The following MYO10 variants were observed in gnomAD, a reference collection of about 807,000 sequenced individuals.
MYO10 encodes the protein myosin X, also known as unconventional myosin-X.
MYO10 carries 133 observed loss-of-function variants against 257.3 expected under a neutral mutation model. The observed-to-expected ratio is 0.52, with a 90% CI of 0.45 to 0.60. The LOEUF is 0.60. Ranked by LOEUF, MYO10 falls within the 20% of genes least tolerant of loss-of-function variation. MYO10 has a pLI of 0.00. For missense variants in MYO10, 2,399 were observed against 2,635.7 expected, an observed-to-expected ratio of 0.91 and a Z score of 1.97; for synonymous variants, 1,104 against 1,028.6, an observed-to-expected ratio of 1.07 and a Z score of -1.40.
intron 19 of MYO10, among the ~76,000 whole-genome samples, chr5:16,719,850 G>C (rs1739067892): frequency 6.6e-6 from 1 of 152,146 alleles, no homozygotes; most frequent in African/African-American, 2.4e-5. Flanking sequence ...TATAATCCCA[G>C]CTACTCAGGA....
rs1743715038 is a variant in MYO10, at chr5:16,848,717, A to C, written c.120+28892T>G. ...AGGGCTAGTCTCTGCTCAACAATTC[A>C]AGAGGCTAGTTTGTCTACAGCGGCA... On this transcript the variant is annotated intron_variant, in intron 2 of 40. Coordinates refer to ENST00000513610, the MANE Select transcript of MYO10 (RefSeq NM_012334.3). Among the ~76,000 whole-genome samples, 3 of 151,852 alleles carry C rather than the reference A, an allele frequency of 2.0e-5. No individual in the cohort carries two copies. The South Asian group carries it at 6.2e-4, about 32-fold the overall frequency.
chr5:16,675,906 T>C, intron 34 of MYO10, 125 bp downstream of exon 34: 1 of 1,210,308 alleles, frequency 8.3e-7, no homozygotes, highest in East Asian at 2.6e-5. Flanking sequence ...CATCTTTTCC[T>C]TCCAATTCAC....
At chr5:16,781,266 G>A (rs528178823) in intron 6 of MYO10, among the ~76,000 whole-genome samples, 13 of 151,710 alleles carry the variant, frequency 8.6e-5, no homozygotes, top group Admixed American at 2.6e-4. Context: ...TTTTAGTATC[G>A]GTGGGGTTTC....
intron 19 of MYO10, among the ~76,000 whole-genome samples, chr5:16,739,886 T>C (rs1347104892): frequency 6.6e-6 from 1 of 152,156 alleles, no homozygotes; most frequent in Non-Finnish European, 1.5e-5. Context: ...CGTCTTTATA[T>C]TGAGGAGGGG....
intron 17 of MYO10, among the ~76,000 whole-genome samples, chr5:16,759,171 C>T (rs975615407): frequency 1.3e-5 from 2 of 152,182 alleles, no homozygotes; most frequent in African/African-American, 4.8e-5. Flanking sequence ...GATCCACCCG[C>T]CTCGGCCTCC....
At chr5:16,796,480 A>AAGAAAGAC (rs1456457259) in intron 3 of MYO10, among the ~76,000 whole-genome samples, 2 of 72,344 alleles carry the variant, frequency 2.8e-5, no homozygotes, top group Non-Finnish European at 6.2e-5. Flanking sequence ...AAAGAAAAGA[A>AAGAAAGAC]AAGAAAGAAA....
intron 25 of MYO10, among the ~76,000 whole-genome samples, chr5:16,700,460 T>C (rs1258540927): frequency 1.3e-5 from 2 of 152,220 alleles, no homozygotes; most frequent in Non-Finnish European, 2.9e-5. Flanking sequence ...GTGGATCACC[T>C]GAGGTCAGGA....
chr5:16,935,281 G>A (rs1348626004), intron 1 of MYO10, among the ~76,000 whole-genome samples: 7 of 152,154 alleles, frequency 4.6e-5, no homozygotes, highest in African/African-American at 1.4e-4. Flanking sequence ...CAAAGTAACC[G>A]ATTAAACCCT....
chr5:16,831,796 A>G (rs1399681991), intron 2 of MYO10, among the ~76,000 whole-genome samples: 5 of 152,162 alleles, frequency 3.3e-5, no homozygotes, highest in African/African-American at 1.2e-4. Context: ...TGATGGGTGC[A>G]CCAAAATCTC....
intron 1 of MYO10, among the ~76,000 whole-genome samples, chr5:16,901,120 G>A (rs1050608082): frequency 2.0e-5 from 3 of 151,962 alleles, no homozygotes; most frequent in Non-Finnish European, 2.9e-5. Context: ...CCCCTCCAGC[G>A]TTGTCTCAGC....
At chr5:16,866,311 G>A (rs1039832637) in intron 2 of MYO10, among the ~76,000 whole-genome samples, 5 of 152,076 alleles carry the variant, frequency 3.3e-5, no homozygotes, top group Non-Finnish European at 7.4e-5. Context: ...ACTGGACTGC[G>A]GAAAAACATT....
rs528124804 is a variant in MYO10 at position 16,682,111 on chromosome 5, G to A, written c.4047-98C>T. 4 of 1,419,128 alleles carry A rather than the reference G, an allele frequency of 2.8e-6. No individual in the cohort carries two copies. In the South Asian group the frequency reaches 3.9e-5, roughly 14 times the overall value. 87.9% of individuals were successfully genotyped at this position (1,419,128 alleles called of 1,614,324 possible). On this transcript the variant is annotated intron_variant, in intron 30 of 40. Coordinates refer to ENST00000513610, the MANE Select transcript of MYO10 (RefSeq NM_012334.3). ...CTCAGTGCCTTCTTCCTGGCTTCTG[G>A]GTCACGGGATATACACTGCTAGGCT...
At chr5:16,812,740 C>T (rs1207967119) in intron 3 of MYO10, among the ~76,000 whole-genome samples, 1 of 152,086 alleles carries the variant, frequency 6.6e-6, no homozygotes, top group African/African-American at 2.4e-5. Context: ...GTTAAAGTTC[C>T]CAGAGCTTTC....
At chr5:16,816,697 AT>A (rs1278574502) in intron 3 of MYO10, among the ~76,000 whole-genome samples, 1 of 135,474 alleles carries the variant, frequency 7.4e-6, no homozygotes, top group Non-Finnish European at 1.6e-5. Context: ...CGCCCAGCTA[AT>A]TTTTGTATTT....
chr5:16,842,004 G>A (rs973132228), intron 2 of MYO10, among the ~76,000 whole-genome samples: 1 of 151,436 alleles, frequency 6.6e-6, no homozygotes, highest in Non-Finnish European at 1.5e-5. Context: ...ACTTGACTTT[G>A]GGGTGGGGGG....
intron 26 of MYO10, among the ~76,000 whole-genome samples, chr5:16,697,663 A>C (rs2126539246): frequency 6.6e-6 from 1 of 151,094 alleles, no homozygotes; most frequent in South Asian, 2.1e-4. Flanking sequence ...GTGCCATTGC[A>C]CTCCAGCCTG....
chr5:16,841,942 A>G (rs970518710), intron 2 of MYO10, among the ~76,000 whole-genome samples: 6 of 145,580 alleles, frequency 4.1e-5, no homozygotes, highest in African/African-American at 1.3e-4. Context: ...TGCTGAGATT[A>G]GCACAATATC....
intron 4 of MYO10, among the ~76,000 whole-genome samples, chr5:16,793,986 G>C (rs1439243729): frequency 1.3e-5 from 2 of 151,792 alleles, no homozygotes; most frequent in Admixed American, 6.6e-5. Context: ...AGTAATAAAG[G>C]AGCTGATATT....
chr5:16,847,888 C>T (rs908766410), intron 2 of MYO10, among the ~76,000 whole-genome samples: 2 of 152,128 alleles, frequency 1.3e-5, no homozygotes, highest in Non-Finnish European at 2.9e-5. Context: ...CATAGCAAGA[C>T]CCTGTCTCTA....
Sources: allele counts gnomAD v4.1 joint callset (sites outside exome capture counted in the v4.1 genomes callset), GRCh38; gene constraint gnomAD v4.1.1; transcripts MANE v1.5; gene names NCBI Gene and HGNC (gene_info 2026-07-23, HGNC 2026-07-21).